BBC3: variants seen among roughly 807,000 people sequenced by gnomAD.
The protein encoded by BBC3 is BCL2 binding component 3.
Under a neutral mutation model 18.2 loss-of-function variants are expected in BBC3, and 5 were observed. The observed-to-expected ratio is 0.27, with a 90% confidence interval of 0.14 to 0.58. The LOEUF is 0.58. Ranked by LOEUF, BBC3 falls within the 20% of genes least tolerant of loss-of-function variation. The pLI is 0.91. For missense variants in BBC3, 224 were observed against 268.9 expected, an observed-to-expected ratio of 0.83 and a Z score of 1.17; for synonymous variants, 119 against 128.0, an observed-to-expected ratio of 0.93 and a Z score of 0.47.
In BBC3 at chr19:47,221,540, C is replaced by G; in HGVS notation, c.*262G>C. 1.5e-6 allele frequency: 1 copy of G among 659,040 alleles called. No homozygotes were observed. Among genetic ancestry groups the G allele is most frequent in the Non-Finnish European group, 2.4e-6 (1 of 411,726 alleles). 40.8% of individuals were successfully genotyped at this position (659,040 alleles called of 1,614,324 possible). On this transcript the variant is annotated 3_prime_UTR_variant, in exon 4 of 4. Coordinates refer to ENST00000439096, the MANE Select transcript of BBC3 (RefSeq NM_014417.5). ...GGCTCAGTCCCCACCCCCTCGGTCA[C>G]CGCCACCTTCCGATGCTGAGTCCAT...
Position 47,221,650 on chromosome 19 carries a change from G to C in BBC3, c.*152C>G. On this transcript the variant is annotated 3_prime_UTR_variant, in exon 4 of 4. Coordinates refer to ENST00000439096, the MANE Select transcript of BBC3 (RefSeq NM_014417.5). ...CACCCCAGGCTGGGCTGGGGCTGGA[G>C]TGGCTGCCCCGGCCCGCCCCCGGGA... is the stretch of plus-strand genomic sequence containing the variant. 2.7e-6 allele frequency: 4 copies of C among 1,479,386 alleles called. No individual in the cohort carries two copies. In the East Asian group the frequency reaches 1.0e-4, roughly 37 times the overall value. 91.6% of individuals were successfully genotyped at this position (1,479,386 alleles called of 1,614,324 possible). A position where few individuals can be genotyped will look rare whatever the true frequency, so the allele number is the denominator to read the frequency against.
chr19:47,222,906 C>A (rs979484091), intron 3 of BBC3, among the ~76,000 whole-genome samples: 1 of 138,586 alleles, frequency 7.2e-6, no homozygotes. Context: ...GTGGAGGTTG[C>A]GGTGAGCCGA....
chr19:47,224,001 G>T (rs1275611484), intron 3 of BBC3, among the ~76,000 whole-genome samples: 2 of 151,978 alleles, frequency 1.3e-5, no homozygotes, highest in Non-Finnish European at 2.9e-5. Context: ...AGGAAAAAAG[G>T]CAATAAATAA....
rs1376930423 is a variant in BBC3, at chr19:47,221,588, T to C, written c.*214A>G. 6 of 1,018,596 alleles carry C rather than the reference T, an allele frequency of 5.9e-6. No individual in the cohort carries two copies. The East Asian group carries it at 1.4e-4, about 24-fold the overall frequency. 63.1% of individuals were successfully genotyped at this position (1,018,596 alleles called of 1,614,324 possible). On this transcript the variant is annotated 3_prime_UTR_variant, in exon 4 of 4. Transcript: ENST00000439096. ...CATCAGCCGTCCCTCTCCTGGCTTC[T>C]TGGCCAGGGACCCAGGAGTCCGCAT...
At position 47,228,943 on chromosome 19, in the gene BBC3, C is replaced by T. The variant is rs1431570331; in HGVS notation, c.-15-497G>A. Among the ~76,000 whole-genome samples, 1 of 152,002 alleles carries T rather than the reference C, an allele frequency of 6.6e-6. No individual in the cohort carries two copies. The highest frequency in any genetic ancestry group is 1.5e-5 in the Non-Finnish European group (1 of 67,992). ...CCGCCCACCCCACCTCCCACTTGCACACAAACACTGAGATGGCCCCAGTCT... is the reference window on the plus strand; with the variant it reads ...CCGCCCACCCCACCTCCCACTTGCATACAAACACTGAGATGGCCCCAGTCT... On this transcript the variant is annotated intron_variant, in intron 1 of 3. Transcript: ENST00000439096. The surrounding 1 kb of genome is among the most constrained non-coding windows in gnomAD (Gnocchi z 5.5).
chr19:47,223,447 T>A (rs1167592186), intron 3 of BBC3, among the ~76,000 whole-genome samples: 2 of 145,946 alleles, frequency 1.4e-5, no homozygotes, highest in African/African-American at 2.6e-5. Context: ...CACACCTGTA[T>A]TCCCAGCTAC....
intron 3 of BBC3, among the ~76,000 whole-genome samples, chr19:47,224,226 T>G (rs574425160): frequency 6.6e-6 from 1 of 151,332 alleles, no homozygotes; most frequent in Non-Finnish European, 1.5e-5. Context: ...ACCCGGGAGG[T>G]GAAGGTTGCA....
At chr19:47,226,530 C>A (rs773140255) in intron 3 of BBC3, 34 bp downstream of exon 3, 22 of 1,492,680 alleles carry the variant, frequency 1.5e-5, no homozygotes, top group Non-Finnish European at 1.9e-5. Flanking sequence ...CGGCGGAAGT[C>A]CCACCTGCCG....
Position 47,228,589 on chromosome 19 carries a change from GC to G in BBC3, c.-15-144del. 8.2e-6 allele frequency: 7 copies of G among 854,600 alleles called. No homozygotes were observed. Among genetic ancestry groups the G allele is most frequent in the Non-Finnish European group, 1.1e-5 (7 of 645,724 alleles). The allele number at this position is 854,600 out of a possible 1,614,324, so 52.9% of individuals were successfully genotyped here. A position where few individuals can be genotyped will look rare whatever the true frequency, so the allele number is the denominator to read the frequency against. ...GGGGGTGACGGCCCCACAGAGACAC[GC>G]CCAGCCGGGGGATGACACCACCGGG... On this transcript the variant is annotated intron_variant, in intron 1 of 3. Coordinates refer to ENST00000439096, the MANE Select transcript of BBC3 (RefSeq NM_014417.5). This position sits in a 1 kb window ranked among gnomAD's most constrained non-coding sequence, Gnocchi z 5.5.
chr19:47,232,734 C>T (rs987692700), upstream of BBC3: 2 of 780,096 alleles, frequency 2.6e-6, no homozygotes, highest in Non-Finnish European at 4.1e-6. Context: ...CACTTTCCAT[C>T]CTTACTGGGT....
chr19:47,226,609 C>G lies in BBC3; in HGVS notation c.420G>C (p.Gln140His). Reference protein sequence around the residue: ...EEQWAREIGAQLRRMADDLNA... With the variant: ...EEQWAREIGAHLRRMADDLNA... Reference sequence around the variant, plus strand: ...TGAGGTCGTCCGCCATCCGCCGCAGCTGGGCCCCGATCTCCCGGGCCCACT... The same window carrying G: ...TGAGGTCGTCCGCCATCCGCCGCAGGTGGGCCCCGATCTCCCGGGCCCACT... The change falls in exon 3 of 4, where the codon CAG (glutamine) becomes CAC (histidine). Residue 140 changes from glutamine (Q) to histidine (H), a missense_variant. Coordinates refer to ENST00000439096, the MANE Select transcript of BBC3 (RefSeq NM_014417.5). 1 of 1,581,242 alleles carries G rather than the reference C, an allele frequency of 6.3e-7. No homozygotes were observed. Among genetic ancestry groups the G allele is most frequent in the Non-Finnish European group, 8.6e-7 (1 of 1,165,892 alleles).
In BBC3 at chr19:47,231,194, C is replaced by T. The variant is rs1229776247; in HGVS notation, c.-281G>A. The T allele has an allele frequency of 3.1e-6, 3 of 982,834 alleles. No individual in the cohort carries two copies. Among genetic ancestry groups the T allele is most frequent in the African/African-American group, 1.8e-5 (1 of 56,876 alleles). 60.9% of individuals were successfully genotyped at this position (982,834 alleles called of 1,614,324 possible). A position where few individuals can be genotyped will look rare whatever the true frequency, so the allele number is the denominator to read the frequency against. ...GCCCGCTCGCATGTGGCTCGCGCCG[C>T]GTCTCAGGCCGCCCGGCGGATCCCG... On this transcript the variant is annotated 5_prime_UTR_variant, in exon 1 of 4. Transcript: ENST00000439096. The surrounding 1 kb of genome is among the most constrained non-coding windows in gnomAD (Gnocchi z 4.0).
chr19:47,227,407 G>A (rs1300994687), intron 2 of BBC3, among the ~76,000 whole-genome samples: 7 of 150,186 alleles, frequency 4.7e-5, no homozygotes, highest in Non-Finnish European at 1.0e-4. Flanking sequence ...CCTACAGCCA[G>A]GGCCTCAGTT....
chr19:47,226,804 C>T, intron 2 of BBC3, 50 bp from the exon 3 acceptor site: 2 of 1,346,442 alleles, frequency 1.5e-6, no homozygotes, highest in Non-Finnish European at 1.9e-6. Context: ...CTCCAGGCCT[C>T]GAGGTGTCTC....
chr19:47,228,222 G>T lies in BBC3; in HGVS notation c.210C>A (p.Ala70=). 2 of 1,221,938 alleles carry T rather than the reference G, an allele frequency of 1.6e-6. No homozygotes were observed. Among genetic ancestry groups the T allele is most frequent in the Non-Finnish European group, 2.0e-6 (2 of 981,594 alleles). 75.7% of individuals were successfully genotyped at this position (1,221,938 alleles called of 1,614,324 possible). A position where few individuals can be genotyped will look rare whatever the true frequency, so the allele number is the denominator to read the frequency against. Residue 70 remains alanine (A), a synonymous_variant, in exon 2 of 4, where the codon GCC becomes GCA. Coordinates refer to ENST00000439096, the MANE Select transcript of BBC3 (RefSeq NM_014417.5). This position sits in a 1 kb window ranked among gnomAD's most constrained non-coding sequence, Gnocchi z 5.5. ...CAGGCCAGCGGGAACCCCCCAGGGCGGCGGTGACGGCGGGTGGGGCGGTGG... is the reference window on the plus strand; with the variant it reads ...CAGGCCAGCGGGAACCCCCCAGGGCTGCGGTGACGGCGGGTGGGGCGGTGG... The part of the protein sequence containing the change: ...CAPTAPPAVT[A]ALGGSRWPGG...
At chr19:47,232,673 G>T, upstream of BBC3, 1 of 1,398,234 alleles carries the variant, frequency 7.2e-7, no homozygotes, top group Non-Finnish European at 9.7e-7. Context: ...GCTCTGGTTT[G>T]GTGAGTTTTG....
Position 47,230,998 on chromosome 19 carries a change from C to T in BBC3, c.-85G>A, listed in dbSNP as rs1267917890. ...GCGGCTTCCTTCAGGAGGGCGCGCC[C>T]GCCGAGCGCCGCTCTCCGCGGCGGC... On this transcript the variant is annotated 5_prime_UTR_variant, in exon 1 of 4. Coordinates refer to ENST00000439096, the MANE Select transcript of BBC3 (RefSeq NM_014417.5). This position sits in a 1 kb window ranked among gnomAD's most constrained non-coding sequence, Gnocchi z 6.7. The T allele has an allele frequency of 1.0e-6, 1 of 986,144 alleles. No individual in the cohort carries two copies. Among genetic ancestry groups the T allele is most frequent in the Middle Eastern group, 5.2e-4 (1 of 1,914 alleles). The allele number at this position is 986,144 out of a possible 1,614,324, so 61.1% of individuals were successfully genotyped here.
At chr19:47,224,397 A>G (rs901844728) in intron 3 of BBC3, among the ~76,000 whole-genome samples, 1 of 152,126 alleles carries the variant, frequency 6.6e-6, no homozygotes, top group East Asian at 1.9e-4. Context: ...CCAAGGCAGG[A>G]GGATCACTTG....
chr19:47,228,298 G>A lies in BBC3; in HGVS notation c.134C>T (p.Ala45Val). The A allele has an allele frequency of 8.2e-7, 1 of 1,221,348 alleles. No homozygotes were observed. Among genetic ancestry groups the A allele is most frequent in the Non-Finnish European group, 1.0e-6 (1 of 981,398 alleles). 75.7% of individuals were successfully genotyped at this position (1,221,348 alleles called of 1,614,324 possible). A position where few individuals can be genotyped will look rare whatever the true frequency, so the allele number is the denominator to read the frequency against. ...VSCGLCEPGL[A>V]AAPAAPTLLP... The stretch of plus-strand genomic sequence containing the variant: ...CAGGGTGGGGGCGGCGGGGGCGGCA[G>A]CCAGGCCGGGCTCGCAGAGGCCGCA... Residue 45 changes from alanine (A) to valine (V), a missense_variant, in exon 2 of 4, where the codon GCT becomes GTT. Coordinates refer to ENST00000439096, the MANE Select transcript of BBC3 (RefSeq NM_014417.5). The surrounding 1 kb of genome is among the most constrained non-coding windows in gnomAD (Gnocchi z 5.5).
Sources: allele counts gnomAD v4.1 joint callset (sites outside exome capture counted in the v4.1 genomes callset), GRCh38; gene constraint gnomAD v4.1.1; non-coding constraint Gnocchi (gnomAD v3.1); transcripts MANE v1.5; gene names NCBI Gene and HGNC (gene_info 2026-07-23, HGNC 2026-07-21).